The following CLYBL variants were observed in gnomAD, a reference collection of about 807,000 sequenced individuals.
CLYBL encodes the protein citramalyl-CoA lyase, also known as citramalyl-CoA lyase, mitochondrial.
A neutral mutation model predicts 38.9 loss-of-function variants in CLYBL; 31 were observed. The observed-to-expected ratio is 0.80, with a 90% CI of 0.60 to 1.08. The LOEUF is 1.08. Ranked by LOEUF, CLYBL falls within the 50% of genes least tolerant of loss-of-function variation. The pLI is 0.00. For synonymous variants in CLYBL, 171 were observed against 158.6 expected, an observed-to-expected ratio of 1.08 and a Z score of -0.59; for missense variants, 434 against 411.6, an observed-to-expected ratio of 1.05 and a Z score of -0.47.
chr13:99,831,682 T>C (rs1446942767), intron 2 of CLYBL, among the ~76,000 whole-genome samples: 1 of 152,078 alleles, frequency 6.6e-6, no homozygotes, highest in Non-Finnish European at 1.5e-5. Context: ...AATAGCTGTC[T>C]GTAAATACCC....
chr13:99,884,953 C>A (rs781452242), intron 7 of CLYBL: 2 of 472,482 alleles, frequency 4.2e-6, no homozygotes, highest in South Asian at 3.1e-5. Flanking sequence ...TCACCAACTA[C>A]CGAACTTGTG....
intron 2 of CLYBL, among the ~76,000 whole-genome samples, chr13:99,845,819 T>G (rs1032422471): frequency 6.6e-6 from 1 of 152,158 alleles, no homozygotes; most frequent in African/African-American, 2.4e-5. Context: ...TTTTAAAAAA[T>G]TAAGTGTCCT....
At chr13:99,682,775 C>T (rs892191248) in intron 1 of CLYBL, among the ~76,000 whole-genome samples, 11 of 151,976 alleles carry the variant, frequency 7.2e-5, no homozygotes, top group African/African-American at 2.7e-4. Flanking sequence ...CTCATTCTGT[C>T]ACCCAGGCTG....
In CLYBL at chr13:99,864,765, C is replaced by A. The variant is rs1300947940; in HGVS notation, c.541-53C>A. On this transcript the variant is annotated intron_variant, in intron 4 of 8. Transcript: ENST00000339105. The stretch of plus-strand genomic sequence containing the variant: ...GTTACTGAAATGCACCGTGCCTCTT[C>A]CCTCTGACGCACGCGTTTCCGTGAG... 7 of 1,239,766 alleles carry A rather than the reference C, an allele frequency of 5.6e-6. No individual in the cohort carries two copies. In the African/African-American group the frequency reaches 8.9e-5, roughly 16 times the overall value. 76.8% of individuals were successfully genotyped at this position (1,239,766 alleles called of 1,614,324 possible). A position where few individuals can be genotyped will look rare whatever the true frequency, so the allele number is the denominator to read the frequency against.
chr13:99,752,195 C>T lies in CLYBL; in HGVS notation c.63-20629C>T, dbSNP rs561477735. ...ACAGTTTGGTGAAGCCGACGGAGAG[C>T]ATTAAATAATCACACTGATAACCTT... is the stretch of plus-strand genomic sequence containing the variant. On this transcript the variant is annotated intron_variant, in intron 1 of 8. Transcript: ENST00000339105. 1.4e-4 allele frequency among the ~76,000 whole-genome samples: 21 copies of T among 152,304 alleles called. 1 individual carries two copies. The South Asian group carries it at 4.1e-3, about 30-fold the overall frequency.
At chr13:99,770,150 A>AGCTCACT (rs1211312944) in intron 1 of CLYBL, among the ~76,000 whole-genome samples, 7 of 134,990 alleles carry the variant, frequency 5.2e-5, no homozygotes, top group Non-Finnish European at 4.6e-5. Flanking sequence ...GCGCGATCTC[A>AGCTCACT]GCTCACTGCT....
chr13:99,858,215 A>AT (rs202124035), intron 2 of CLYBL, among the ~76,000 whole-genome samples: 3 of 152,052 alleles, frequency 2.0e-5, no homozygotes, highest in South Asian at 2.1e-4. Flanking sequence ...AGAAAAAAAA[A>AT]GTATTTGTCA....
intron 1 of CLYBL, among the ~76,000 whole-genome samples, chr13:99,722,395 C>T (rs1167959414): frequency 1.3e-5 from 2 of 151,874 alleles, no homozygotes; most frequent in Non-Finnish European, 2.9e-5. Flanking sequence ...CTCTTTCTAT[C>T]AAGCTGAGCT....
intron 1 of CLYBL, among the ~76,000 whole-genome samples, chr13:99,738,799 T>G (rs2048706347): frequency 1.3e-5 from 2 of 150,344 alleles, no homozygotes; most frequent in East Asian, 2.0e-4. Flanking sequence ...AGGAAGGAAA[T>G]GAGAATGGGG....
chr13:99,621,777 C>G (rs2046801730), intron 1 of CLYBL, among the ~76,000 whole-genome samples: 2 of 150,902 alleles, frequency 1.3e-5, no homozygotes, highest in Non-Finnish European at 2.9e-5. Context: ...TTCCCTTTAG[C>G]TTATCAGCTG....
At chr13:99,800,394 AGGCTGATAT>A (rs1216237809) in intron 2 of CLYBL, among the ~76,000 whole-genome samples, 2 of 152,142 alleles carry the variant, frequency 1.3e-5, no homozygotes, top group Admixed American at 6.6e-5. Context: ...TGCCTGGGAG[AGGCTGATAT>A]GTCCAGGCCC....
At chr13:99,750,727 TC>T (rs1315919652) in intron 1 of CLYBL, among the ~76,000 whole-genome samples, 1 of 70,392 alleles carries the variant, frequency 1.4e-5, no homozygotes, top group Non-Finnish European at 3.0e-5. Context: ...AATAATGCCC[TC>T]TTTTTTTAAA....
At chr13:99,612,856 A>T (rs1226263740) in intron 1 of CLYBL, among the ~76,000 whole-genome samples, 1 of 150,016 alleles carries the variant, frequency 6.7e-6, no homozygotes, top group African/African-American at 2.5e-5. Flanking sequence ...TACAAAAAAA[A>T]TTTTAAAAGT....
At chr13:99,867,781 TTGCTCTGAAA>T (rs1198285489) in intron 6 of CLYBL, among the ~76,000 whole-genome samples, 2 of 152,060 alleles carry the variant, frequency 1.3e-5, no homozygotes, top group African/African-American at 2.4e-5. Context: ...TGGCCAGATG[TTGCTCTGAAA>T]TGGGAACTAA....
At chr13:99,647,978 A>G (rs2047200902) in intron 1 of CLYBL, among the ~76,000 whole-genome samples, 1 of 152,098 alleles carries the variant, frequency 6.6e-6, no homozygotes. Context: ...GTTCATTGGA[A>G]TTGTCTTGGT....
downstream of CLYBL, chr13:99,895,208 T>C (rs553984674): frequency 4.6e-5 from 7 of 152,376 alleles, no homozygotes; most frequent in East Asian, 1.3e-3. Context: ...GGGGACATTG[T>C]AATTTTCTGA....
At chr13:99,724,147 C>T (rs569553964) in intron 1 of CLYBL, among the ~76,000 whole-genome samples, 4 of 152,072 alleles carry the variant, frequency 2.6e-5, no homozygotes, top group Non-Finnish European at 5.9e-5. Flanking sequence ...GGGGATGTTC[C>T]GCTGGGTTTC....
chr13:99,651,277 A>G (rs1438587968), intron 1 of CLYBL, among the ~76,000 whole-genome samples: 2 of 152,250 alleles, frequency 1.3e-5, no homozygotes, highest in Non-Finnish European at 2.9e-5. Context: ...GCACATGACA[A>G]GAACTGAATA....
chr13:99,784,422 T>C (rs1180725035), intron 2 of CLYBL, among the ~76,000 whole-genome samples: 1 of 151,358 alleles, frequency 6.6e-6, no homozygotes, highest in African/African-American at 2.4e-5. Flanking sequence ...TGCTTTTTGT[T>C]ATTCCTCTGC....
Sources: allele counts gnomAD v4.1 joint callset (sites outside exome capture counted in the v4.1 genomes callset), GRCh38; gene constraint gnomAD v4.1.1; transcripts MANE v1.5; gene names NCBI Gene and HGNC (gene_info 2026-07-23, HGNC 2026-07-21).